Variants in DYSF observed in about 807,000 individuals in gnomAD.
DYSF encodes the protein dysferlin, also known as dystrophy-associated fer-1-like 1.
In DYSF, 212 loss-of-function variants were observed where a neutral mutation model predicts 274.9. That is an observed-to-expected ratio of 0.77 (90% CI 0.69 to 0.86). DYSF has a LOEUF of 0.86. Among genes scored for constraint, DYSF ranks in the 40% least tolerant of loss-of-function variants. The probability of loss-of-function intolerance (pLI) is 0.00; values close to 1 mark genes in which losing one functional copy is unlikely to be tolerated. For synonymous variants in DYSF, 1,091 were observed against 1,078.7 expected, an observed-to-expected ratio of 1.01 and a Z score of -0.22; for missense variants, 2,666 against 2,783.2, an observed-to-expected ratio of 0.96 and a Z score of 0.95.
intron 3 of DYSF, among the ~76,000 whole-genome samples, chr2:71,495,158 C>T (rs2084249453): frequency 6.6e-6 from 1 of 152,170 alleles, no homozygotes; most frequent in Non-Finnish European, 1.5e-5. Flanking sequence ...CTCCAAGCTC[C>T]AACAATGCAG....
intron 10 of DYSF, 104 bp from the exon 11 acceptor site, chr2:71,520,074 G>C: frequency 7.3e-7 from 1 of 1,374,760 alleles, no homozygotes; most frequent in Non-Finnish European, 1.0e-6. Flanking sequence ...GTTTCCAAAT[G>C]TTCTTCAAAA....
chr2:71,532,125 A>AT (rs1172143244), intron 14 of DYSF, among the ~76,000 whole-genome samples: 3 of 152,038 alleles, frequency 2.0e-5, no homozygotes, highest in Admixed American at 1.3e-4. Context: ...CATTGAAATG[A>AT]TTTTTTTTGA....
chr2:71,602,555 C>G, intron 35 of DYSF: 1 of 531,042 alleles, frequency 1.9e-6, no homozygotes, highest in South Asian at 2.0e-5. Context: ...TGACATCCAT[C>G]ACACCTTCTT....
intron 45 of DYSF, among the ~76,000 whole-genome samples, chr2:71,663,128 T>C (rs754946298): frequency 1.9e-4 from 20 of 103,224 alleles, no homozygotes; most frequent in Non-Finnish European, 3.5e-4. Flanking sequence ...CTGGCTGACC[T>C]CTGAGGTTCT....
intron 19 of DYSF, 35 bp downstream of exon 19, chr2:71,551,755 C>T (rs569522005): frequency 2.6e-5 from 41 of 1,549,912 alleles, no homozygotes; most frequent in Middle Eastern, 3.4e-4. Context: ...AGCTGGGCGT[C>T]GGGGCAGGGA....
intron 32 of DYSF, 73 bp from the exon 33 acceptor site, chr2:71,598,491 A>G (rs2093460433): frequency 2.5e-6 from 4 of 1,574,096 alleles, no homozygotes; most frequent in East Asian, 2.3e-5. Context: ...GTGGCCCCAC[A>G]TGGCTCTGGA....
intron 30 of DYSF, among the ~76,000 whole-genome samples, chr2:71,578,502 A>G (rs1457288836): frequency 6.6e-6 from 1 of 152,192 alleles, no homozygotes; most frequent in East Asian, 1.9e-4. Flanking sequence ...AGAGATGTTC[A>G]CATGTGAGTG....
At chr2:71,578,655 G>C (rs571144426) in intron 30 of DYSF, among the ~76,000 whole-genome samples, 11 of 152,296 alleles carry the variant, frequency 7.2e-5, no homozygotes, top group Middle Eastern at 3.4e-3. Context: ...AAAGACCGTG[G>C]GTGGAAGCCA....
intron 29 of DYSF, among the ~76,000 whole-genome samples, chr2:71,573,376 C>T (rs1223297113): frequency 6.6e-6 from 1 of 152,220 alleles, no homozygotes; most frequent in Non-Finnish European, 1.5e-5. Context: ...AGCTGGCCTC[C>T]AGGACTGGCC....
intron 35 of DYSF, among the ~76,000 whole-genome samples, chr2:71,601,817 C>G (rs2093557037): frequency 6.6e-6 from 1 of 152,222 alleles, no homozygotes; most frequent in Admixed American, 6.5e-5. Flanking sequence ...GCATTAGAAT[C>G]TCCGGGACAG....
chr2:71,471,857 T>C (rs940060577), intron 1 of DYSF, among the ~76,000 whole-genome samples: 10 of 151,996 alleles, frequency 6.6e-5, no homozygotes, highest in African/African-American at 9.7e-5. Flanking sequence ...TCCCAGCTAC[T>C]TGAGGGGCAG....
At chr2:71,539,335 A>T (rs2089700431) in intron 17 of DYSF, 96 bp downstream of exon 17, 1 of 1,135,086 alleles carries the variant, frequency 8.8e-7, no homozygotes, top group African/African-American at 1.5e-5. Context: ...GTTTGCAGAA[A>T]AGGGGAGATT....
At chr2:71,593,438 T>G (rs1009528575) in intron 32 of DYSF, among the ~76,000 whole-genome samples, 4 of 152,290 alleles carry the variant, frequency 2.6e-5, no homozygotes, top group Admixed American at 2.0e-4. Context: ...GCCAGTTCAA[T>G]GACTTCTTTT....
At chr2:71,549,253 T>TCTGC in intron 17 of DYSF, 1 of 1,214,486 alleles carries the variant, frequency 8.2e-7, no homozygotes, top group East Asian at 2.5e-5. Flanking sequence ...TTTCCATCTG[T>TCTGC]CTGCCTGCCA....
chr2:71,521,381 T>C (rs2087256644), intron 12 of DYSF, among the ~76,000 whole-genome samples: 3 of 152,206 alleles, frequency 2.0e-5, no homozygotes, highest in Admixed American at 1.3e-4. Flanking sequence ...TTTGGAATCA[T>C]CTTTGTGGGA....
At chr2:71,543,266 C>T (rs1158252770) in intron 17 of DYSF, among the ~76,000 whole-genome samples, 4 of 121,760 alleles carry the variant, frequency 3.3e-5, no homozygotes, top group Admixed American at 8.4e-5. Flanking sequence ...CCAGACGGGG[C>T]GGCAGGGCAG....
intron 41 of DYSF, among the ~76,000 whole-genome samples, chr2:71,625,009 C>A (rs942101772): frequency 6.6e-6 from 1 of 152,026 alleles, no homozygotes; most frequent in African/African-American, 2.4e-5. Flanking sequence ...CATCTTCATT[C>A]TTAATTTTAT....
intron 41 of DYSF, among the ~76,000 whole-genome samples, chr2:71,634,979 T>G (rs1436832411): frequency 1.3e-5 from 2 of 152,192 alleles, no homozygotes; most frequent in Non-Finnish European, 2.9e-5. Context: ...CATGACACTC[T>G]GGGGTCTGTG....
chr2:71,578,065 A>G (rs1320846695), intron 30 of DYSF, among the ~76,000 whole-genome samples: 1 of 152,190 alleles, frequency 6.6e-6, no homozygotes, highest in African/African-American at 2.4e-5. Context: ...TTAAGGATGA[A>G]TGACGATGCA....
Sources: gnomAD v4.1 joint callset for allele counts (sites outside exome capture counted in the v4.1 genomes callset) on GRCh38, gnomAD v4.1.1 for gene constraint, MANE v1.5 for transcripts, NCBI Gene and HGNC (gene_info 2026-07-23, HGNC 2026-07-21) for gene names.